The following GRIK2 variants were observed in gnomAD, a reference collection of about 807,000 sequenced individuals.
GRIK2 encodes glutamate receptor ionotropic, kainate 2.
Under a neutral mutation model 100.3 loss-of-function variants are expected in GRIK2, and 32 were observed. The observed-to-expected ratio is 0.32, with a 90% CI of 0.24 to 0.43. The LOEUF is 0.43. Among genes scored for constraint, GRIK2 ranks in the 20% least tolerant of loss-of-function variants. The pLI, the probability that GRIK2 is intolerant of heterozygous loss-of-function variation, is 1.00. For missense variants in GRIK2, 843 were observed against 1,114.9 expected, an observed-to-expected ratio of 0.76 and a Z score of 3.47; for synonymous variants, 417 against 389.4, an observed-to-expected ratio of 1.07 and a Z score of -0.83.
intron 7 of GRIK2, among the ~76,000 whole-genome samples, chr6:101,772,293 A>G (rs1020488211): frequency 6.6e-6 from 1 of 152,218 alleles, no homozygotes; most frequent in African/African-American, 2.4e-5. Context: ...GCCTGAAGCA[A>G]TAGCTGTGAC....
At chr6:101,756,067 G>T (rs1248869370) in intron 7 of GRIK2, among the ~76,000 whole-genome samples, 2 of 152,088 alleles carry the variant, frequency 1.3e-5, no homozygotes. Context: ...CTCCCCCCCA[G>T]GTTTTGTGTT....
intron 16 of GRIK2, among the ~76,000 whole-genome samples, chr6:102,067,986 T>G (rs1045216316): frequency 6.6e-6 from 1 of 151,912 alleles, no homozygotes; most frequent in Admixed American, 6.6e-5. Context: ...AATGGGTTTC[T>G]GGTATAGAAT....
chr6:101,597,333 A>G (rs1477294898), intron 2 of GRIK2, among the ~76,000 whole-genome samples: 1 of 151,744 alleles, frequency 6.6e-6, no homozygotes, highest in Non-Finnish European at 1.5e-5. Flanking sequence ...CATGCAATAT[A>G]CCCTTGTAAC....
chr6:101,421,179 AGCTG>A (rs2128240331), intron 2 of GRIK2, among the ~76,000 whole-genome samples: 1 of 152,260 alleles, frequency 6.6e-6, no homozygotes, highest in Admixed American at 6.5e-5. Flanking sequence ...TGCCTCCACT[AGCTG>A]GCCAAGTAGA....
chr6:102,054,145 G>A (rs1248992711), intron 15 of GRIK2, among the ~76,000 whole-genome samples: 1 of 152,154 alleles, frequency 6.6e-6, no homozygotes, highest in Non-Finnish European at 1.5e-5. Context: ...GTAGAGAAAA[G>A]ATGATGTTAA....
At chr6:101,534,141 T>A (rs1353931475) in intron 2 of GRIK2, among the ~76,000 whole-genome samples, 3 of 151,324 alleles carry the variant, frequency 2.0e-5, no homozygotes, top group South Asian at 4.2e-4. Flanking sequence ...AGTTTTATTT[T>A]TTTTTTTTGA....
intron 14 of GRIK2, among the ~76,000 whole-genome samples, chr6:101,992,240 C>T (rs145150053): frequency 5.9e-5 from 9 of 151,620 alleles, no homozygotes; most frequent in African/African-American, 1.7e-4. Flanking sequence ...GGAAAGACAC[C>T]GTTACATGAC....
At chr6:101,561,328 T>C (rs1777001595) in intron 2 of GRIK2, among the ~76,000 whole-genome samples, 1 of 150,816 alleles carries the variant, frequency 6.6e-6, no homozygotes, top group African/African-American at 2.4e-5. Flanking sequence ...GCTAAAAAAG[T>C]AGATCTCATG....
At chr6:101,599,541 A>G (rs751068156) in intron 2 of GRIK2, among the ~76,000 whole-genome samples, 1 of 151,702 alleles carries the variant, frequency 6.6e-6, no homozygotes, top group Non-Finnish European at 1.5e-5. Context: ...CCAACAATGT[A>G]TACACGTTCC....
chr6:101,662,882 A>G (rs2128334718), intron 4 of GRIK2, among the ~76,000 whole-genome samples: 1 of 152,286 alleles, frequency 6.6e-6, no homozygotes, highest in African/African-American at 2.4e-5. Context: ...TTCTCAATTC[A>G]AAATACACAA....
chr6:101,504,740 CAT>C (rs1331651546), intron 2 of GRIK2, among the ~76,000 whole-genome samples: 2 of 151,878 alleles, frequency 1.3e-5, no homozygotes, highest in African/African-American at 4.8e-5. Context: ...TATGAGATAA[CAT>C]ATAAAAAAAT....
chr6:101,795,544 G>T (rs924384034), intron 7 of GRIK2, among the ~76,000 whole-genome samples: 1 of 152,236 alleles, frequency 6.6e-6, no homozygotes, highest in Admixed American at 6.5e-5. Context: ...AGTAGTGGCA[G>T]CAGTGGGCAT....
intron 4 of GRIK2, among the ~76,000 whole-genome samples, chr6:101,646,910 G>T (rs1332908924): frequency 6.6e-6 from 1 of 151,896 alleles, no homozygotes; most frequent in Non-Finnish European, 1.5e-5. Flanking sequence ...ACAAGAAAGA[G>T]ATATAAAACA....
At chr6:101,909,153 A>G (rs1470075044) in intron 12 of GRIK2, among the ~76,000 whole-genome samples, 1 of 151,252 alleles carries the variant, frequency 6.6e-6, no homozygotes, top group African/African-American at 2.4e-5. Flanking sequence ...TATTAATAAA[A>G]ATAATTGACC....
At chr6:101,892,387 A>G (rs973814503) in intron 12 of GRIK2, among the ~76,000 whole-genome samples, 9 of 152,164 alleles carry the variant, frequency 5.9e-5, no homozygotes, top group Non-Finnish European at 1.3e-4. Context: ...TAACTTTTCA[A>G]AATATTTCTG....
chr6:101,965,372 C>T (rs1024403733), intron 14 of GRIK2, among the ~76,000 whole-genome samples: 1 of 151,908 alleles, frequency 6.6e-6, no homozygotes, highest in African/African-American at 2.4e-5. Flanking sequence ...CAATTTAGTT[C>T]CCTGTTTTTC....
chr6:101,543,595 G>GTCCT (rs1462796716), intron 2 of GRIK2, among the ~76,000 whole-genome samples: 1 of 152,016 alleles, frequency 6.6e-6, no homozygotes, highest in East Asian at 1.9e-4. Context: ...GTGACATATG[G>GTCCT]TACTGTATAA....
chr6:101,647,051 T>C (rs1394581063), intron 4 of GRIK2, among the ~76,000 whole-genome samples: 1 of 151,958 alleles, frequency 6.6e-6, no homozygotes, highest in African/African-American at 2.4e-5. Flanking sequence ...TTAGTCTCCC[T>C]ATATAAAAAA....
At chr6:101,671,865 A>G (rs1318091014) in intron 4 of GRIK2, among the ~76,000 whole-genome samples, 1 of 152,112 alleles carries the variant, frequency 6.6e-6, no homozygotes, top group Non-Finnish European at 1.5e-5. Flanking sequence ...CTATATCAAA[A>G]ACAACAACAA....
Sources: allele counts gnomAD v4.1 joint callset (sites outside exome capture counted in the v4.1 genomes callset), GRCh38; gene constraint gnomAD v4.1.1; transcripts MANE v1.5; gene names NCBI Gene and HGNC (gene_info 2026-07-23, HGNC 2026-07-21).